The following ADAMTS7 variants were observed in gnomAD, a reference collection of about 807,000 sequenced individuals.
ADAMTS7 encodes ADAM metallopeptidase with thrombospondin type 1 motif 7, also known as A disintegrin and metalloproteinase with thrombospondin motifs 7.
ADAMTS7 carries 89 observed loss-of-function variants against 172.6 expected under a neutral mutation model. The ratio of observed to expected loss-of-function variants is 0.52; its 90% confidence interval spans 0.43 to 0.61. The LOEUF (loss-of-function observed/expected upper bound fraction) is 0.61, where lower values mean the gene tolerates loss of function less well. Ranked by LOEUF, ADAMTS7 falls within the 20% of genes least tolerant of loss-of-function variation. ADAMTS7 has a pLI of 0.00. For missense variants in ADAMTS7, 1,973 were observed against 2,355.6 expected (o/e 0.84, Z 3.36); for synonymous variants, 885 against 978.4 (o/e 0.90, Z 1.78).
intron 7 of ADAMTS7, 82 bp from the exon 8 acceptor site, chr15:78,788,456 C>T (rs3743058): frequency 0.28 from 434,809 of 1,544,882 alleles, 63,081 homozygotes; most frequent in South Asian, 0.4. Context: ...CCACAAGGTG[C>T]GCAGTCCTAG....
Position 78,766,439 on chromosome 15 carries a change from G to T in ADAMTS7, c.3472C>A (p.Pro1158Thr). 4 of 1,567,172 alleles carry T rather than the reference G, an allele frequency of 2.6e-6. No individual in the cohort carries two copies. ...TPGNPLINFL[P>T]EEDTPIGAPD... ...GCCCCTATGGGGGTGTCTTCCTCAG[G>T]CAGGAAATTGATCAAAGGGTTCCCA... Residue 1158 changes from proline (P) to threonine (T), a missense_variant, in exon 19 of 24, where the codon CCT becomes ACT. Coordinates refer to ENST00000388820, the MANE Select transcript of ADAMTS7 (RefSeq NM_014272.5).
At chr15:78,775,753 A>C (rs1356967902) in intron 11 of ADAMTS7, among the ~76,000 whole-genome samples, 1 of 152,130 alleles carries the variant, frequency 6.6e-6, no homozygotes, top group Non-Finnish European at 1.5e-5. Flanking sequence ...GGCCTGCATA[A>C]ACTGCATTTG....
Position 78,800,467 on chromosome 15 carries a change from C to T in ADAMTS7, c.181G>A (p.Glu61Lys), listed in dbSNP as rs765564823. 9 of 1,610,844 alleles carry T rather than the reference C, an allele frequency of 5.6e-6. No homozygotes were observed. The highest frequency in any genetic ancestry group is 3.3e-5 in the South Asian group (3 of 90,630). Residue 61 changes from glutamate (E) to lysine (K), a missense_variant, in exon 2 of 24, where the codon GAG (glutamate) becomes AAG (lysine). Physicochemically the swap from Glu to Lys is moderately conservative, Grantham distance 56. This residue lies in a region of ADAMTS7 where 306 missense variants were observed against 288.0 expected (regional missense o/e 1.06). Transcript: ENST00000388820. ...TTGCGCAGTGCGCGGGGCCACAGCT[C>T]GTAGGACAGGAAGGAGCCCCCCGCG... ...VDAGGSFLSY[E>K]LWPRALRKRD...
chr15:78,790,196 C>A lies in ADAMTS7; in HGVS notation c.1029-358G>T, dbSNP rs147367952. Among the ~76,000 whole-genome samples the A allele has an allele frequency of 3.8e-3, 582 of 152,256 alleles. 18 individuals carry two copies. The highest frequency in any genetic ancestry group is 0.032 in the Admixed American group (492 of 15,296). On this transcript the variant is annotated intron_variant, in intron 6 of 23. Coordinates refer to ENST00000388820, the MANE Select transcript of ADAMTS7 (RefSeq NM_014272.5). ...GGAGGAAGGTGGCTGTGACTATAAACGGGTAGCATGAGACATCCTTCTGAT... is the reference window on the plus strand; with the variant it reads ...GGAGGAAGGTGGCTGTGACTATAAAAGGGTAGCATGAGACATCCTTCTGAT...
intron 22 of ADAMTS7, among the ~76,000 whole-genome samples, chr15:78,763,229 G>A (rs571460213): frequency 1.3e-5 from 2 of 152,310 alleles, no homozygotes; most frequent in African/African-American, 4.8e-5. Context: ...GCAAACGCTG[G>A]CCCAGCTGAC....
chr15:78,790,020 A>G (rs957946257), intron 6 of ADAMTS7, among the ~76,000 whole-genome samples, 182 bp from the exon 7 acceptor site: 2 of 152,164 alleles, frequency 1.3e-5, no homozygotes, highest in Non-Finnish European at 2.9e-5. Flanking sequence ...TTTACACACA[A>G]CCGGCTGGGC....
rs140458786 is a variant in ADAMTS7 at position 78,761,726 on chromosome 15, CTGTG to C, written c.4903+673_4903+676del. On this transcript the variant is annotated intron_variant, in intron 23 of 23. Transcript: ENST00000388820. ...GGGGCTGCAGGAAGGAAGTGTATGACTGTGTGTGTGTGTGTTGGCGTGTGTGTGT... is the reference window on the plus strand; with the variant it reads ...GGGGCTGCAGGAAGGAAGTGTATGACTGTGTGTGTGTTGGCGTGTGTGTGT... Among the ~76,000 whole-genome samples the C allele has an allele frequency of 9.2e-5, 14 of 151,744 alleles. No individual in the cohort carries two copies. The South Asian group carries it at 2.7e-3, about 29-fold the overall frequency.
intron 8 of ADAMTS7, among the ~76,000 whole-genome samples, chr15:78,781,963 T>C (rs1431337724): frequency 6.6e-6 from 1 of 152,140 alleles, no homozygotes; most frequent in East Asian, 1.9e-4. Flanking sequence ...CATCATCATG[T>C]CCATTTTTTG....
Position 78,811,356 on chromosome 15 carries a change from G to T in ADAMTS7, c.-136C>A. On this transcript the variant is annotated 5_prime_UTR_variant, in exon 1 of 24. Transcript: ENST00000388820. ...CTCCCGGCGACCCGGCCCCGACTCCGTTCGGCTGCGCTCGGTCCGCGGGCA... is the reference window on the plus strand; with the variant it reads ...CTCCCGGCGACCCGGCCCCGACTCCTTTCGGCTGCGCTCGGTCCGCGGGCA... 9.2e-7 allele frequency: 1 copy of T among 1,081,572 alleles called. No homozygotes were observed. The highest frequency in any genetic ancestry group is 1.2e-6 in the Non-Finnish European group (1 of 856,250). 67.0% of individuals were successfully genotyped at this position (1,081,572 alleles called of 1,614,324 possible). A position where few individuals can be genotyped will look rare whatever the true frequency, so the allele number is the denominator to read the frequency against.
At position 78,800,499 on chromosome 15, in the gene ADAMTS7, C is replaced by T. The variant is rs2055710078; in HGVS notation, c.149G>A (p.Arg50Gln). The T allele has an allele frequency of 6.2e-7, 1 of 1,608,212 alleles. No homozygotes were observed. Among genetic ancestry groups the T allele is most frequent in the Non-Finnish European group, 8.5e-7 (1 of 1,177,938 alleles). The change falls in exon 2 of 24, where the codon CGA (arginine) becomes CAA (glutamine). Residue 50 changes from arginine to glutamine, a missense_variant. Coordinates refer to ENST00000388820, the MANE Select transcript of ADAMTS7 (RefSeq NM_014272.5). The stretch of plus-strand genomic sequence containing the variant: ...CAGGAAGGAGCCCCCCGCGTCGACT[C>T]GAACCGGGTGCACGATGTCCAGTGC... The part of the protein sequence containing the change: ...RAALDIVHPV[R>Q]VDAGGSFLSY...
At chr15:78,804,260 T>G (rs1305092143) in intron 1 of ADAMTS7, among the ~76,000 whole-genome samples, 2 of 152,202 alleles carry the variant, frequency 1.3e-5, no homozygotes, top group Non-Finnish European at 2.9e-5. Flanking sequence ...AGATCACGTT[T>G]CTCAAATCTC....
Position 78,798,080 on chromosome 15 carries a change from A to C in ADAMTS7, c.490T>G (p.Phe164Val). 6.4e-7 allele frequency: 1 copy of C among 1,563,728 alleles called. No homozygotes were observed. Among genetic ancestry groups the C allele is most frequent in the Middle Eastern group, 1.7e-4 (1 of 5,788 alleles). Residue 164 changes from phenylalanine to valine, a missense_variant, in exon 3 of 24, where the codon TTC (phenylalanine) becomes GTC (valine). Coordinates refer to ENST00000388820, the MANE Select transcript of ADAMTS7 (RefSeq NM_014272.5). ...GGGGCACTGTCCAGGGGCTCAATGAAGTAGTCCTCGTTGGAGAGCTGGAAC... is the reference window on the plus strand; with the variant it reads ...GGGGCACTGTCCAGGGGCTCAATGACGTAGTCCTCGTTGGAGAGCTGGAAC... ...GVFQLSNEDY[F>V]IEPLDSAPAR...
chr15:78,775,548 T>TGC lies in ADAMTS7; in HGVS notation c.1706+638_1706+639dup, dbSNP rs1456483953. On this transcript the variant is annotated intron_variant, in intron 11 of 23. Transcript: ENST00000388820. ...CTTCTCACCAGATCTTCACACCCCC[T>TGC]GCACCCCCACCCCCCCGTTTAGATG... Among the ~76,000 whole-genome samples, 9 of 151,444 alleles carry TGC rather than the reference T, an allele frequency of 5.9e-5. No individual in the cohort carries two copies. The South Asian group carries it at 1.3e-3, about 21-fold the overall frequency.
intron 14 of ADAMTS7, among the ~76,000 whole-genome samples, chr15:78,772,795 G>A (rs984873068): frequency 2.6e-5 from 4 of 152,258 alleles, no homozygotes; most frequent in Non-Finnish European, 4.4e-5. Context: ...GGTCTCAGAA[G>A]CTTCAGGAGG....
Position 78,761,766 on chromosome 15 carries a change from ACG to A in ADAMTS7, c.4903+635_4903+636del. On this transcript the variant is annotated intron_variant, in intron 23 of 23. Coordinates refer to ENST00000388820, the MANE Select transcript of ADAMTS7 (RefSeq NM_014272.5). ...TTGGCGTGTGTGTGTGTGTGCGCGC[ACG>A]CACACATGCTGGAGGCGGCGGCAGG... 9.6e-6 allele frequency: 7 copies of A among 730,586 alleles called. 1 individual carries two copies. The highest frequency in any genetic ancestry group is 1.9e-5 in the African/African-American group (1 of 52,306). 45.3% of individuals were successfully genotyped at this position (730,586 alleles called of 1,614,324 possible).
chr15:78,800,614 C>T, intron 1 of ADAMTS7, 67 bp from the exon 2 acceptor site: 1 of 1,488,074 alleles, frequency 6.7e-7, no homozygotes, highest in Non-Finnish European at 9.2e-7. Context: ...TGGCCGGGGA[C>T]CAGAAGGGAG....
At chr15:78,799,358 C>A (rs1170308591) in intron 2 of ADAMTS7, among the ~76,000 whole-genome samples, 1 of 132,220 alleles carries the variant, frequency 7.6e-6, no homozygotes, top group Admixed American at 7.7e-5. Context: ...CAGAAAGGGG[C>A]CCTACTCTGC....
In ADAMTS7 at chr15:78,766,310, C is replaced by A. The variant is rs756626504; in HGVS notation, c.3601G>T (p.Asp1201Tyr). The A allele has an allele frequency of 6.2e-7, 1 of 1,611,368 alleles. No homozygotes were observed. The highest frequency in any genetic ancestry group is 8.5e-7 in the Non-Finnish European group (1 of 1,179,996). ...ESQNDFPVGK[D>Y]SQSQLPPPWR... is the part of the protein sequence containing the mutation. ...GGAGGGGGCAGCTGGCTCTGGCTGT[C>A]CTTGCCAACTGGGAAATCATTTTGG... is the stretch of plus-strand genomic sequence containing the variant. The change falls in exon 19 of 24, where the codon GAC (aspartate) becomes TAC (tyrosine). Residue 1201 changes from aspartate (D) to tyrosine (Y), a missense_variant. By Grantham distance (160) the Asp-to-Tyr change is radical. This residue lies in a region of ADAMTS7 where 771 missense variants were observed against 952.6 expected (regional missense o/e 0.81). Coordinates refer to ENST00000388820, the MANE Select transcript of ADAMTS7 (RefSeq NM_014272.5).
chr15:78,763,780 G>A lies in ADAMTS7; in HGVS notation c.4659C>T (p.Cys1553=), dbSNP rs112320482. ...RLVTCPEPGL[C]EEALRPNTTR... ...TGGTGTTGGGTCTCAGCGCCTCCTC[G>A]CAGAGGCCTGGCTCCGGGCAGGTCA... Residue 1553 remains cysteine, a synonymous_variant, in exon 22 of 24, where the codon TGC becomes TGT. Transcript: ENST00000388820. The A allele has an allele frequency of 1.6e-3, 2,596 of 1,593,752 alleles. 16 individuals carry two copies. Among genetic ancestry groups the A allele is most frequent in the South Asian group, 7.5e-3 (672 of 89,080 alleles).
Sources: gnomAD v4.1 joint callset for allele counts (sites outside exome capture counted in the v4.1 genomes callset) on GRCh38, gnomAD v4.1.1 for gene constraint, gnomAD v4.1.1 regional missense constraint, MANE v1.5 for transcripts, NCBI Gene and HGNC (gene_info 2026-07-23, HGNC 2026-07-21) for gene names.